NELL1: variants seen among roughly 807,000 people sequenced by gnomAD.
The protein encoded by NELL1 is neural EGFL like 1, also known as protein kinase C-binding protein NELL1.
Under a neutral mutation model 107.4 loss-of-function variants are expected in NELL1, and 76 were observed. That is an observed-to-expected ratio of 0.71 (90% CI 0.59 to 0.86). The LOEUF is 0.86. NELL1 is among the 40% of genes least tolerant of loss of function. The pLI is 0.00. For missense variants in NELL1, 1,024 were observed against 1,005.5 expected (o/e 1.02, Z -0.25); for synonymous variants, 353 against 341.2 (o/e 1.03, Z -0.38).
chr11:21,469,809 G>A (rs1854127491), intron 15 of NELL1, among the ~76,000 whole-genome samples: 1 of 152,040 alleles, frequency 6.6e-6, no homozygotes, highest in East Asian at 1.9e-4. Flanking sequence ...GTGGGTTGTA[G>A]TATCTTGAAT....
chr11:21,523,364 T>C (rs892224576), intron 15 of NELL1, among the ~76,000 whole-genome samples: 5 of 152,156 alleles, frequency 3.3e-5, no homozygotes, highest in African/African-American at 1.2e-4. Flanking sequence ...TAAATATTGA[T>C]ATGGTTGGGT....
chr11:20,814,901 G>A (rs79877117), intron 3 of NELL1, among the ~76,000 whole-genome samples: 11,291 of 152,212 alleles, frequency 0.074, 563 homozygotes, highest in African/African-American at 0.13. Context: ...TGACTGAACT[G>A]ATTTACATTC....
chr11:20,834,554 T>C (rs1848494308), intron 3 of NELL1, among the ~76,000 whole-genome samples: 1 of 151,878 alleles, frequency 6.6e-6, no homozygotes, highest in Admixed American at 6.6e-5. Flanking sequence ...TACAAAAAAA[T>C]TAGCTGGGTG....
At chr11:21,146,716 G>T (rs1009727978) in intron 13 of NELL1, among the ~76,000 whole-genome samples, 4 of 152,150 alleles carry the variant, frequency 2.6e-5, no homozygotes, top group African/African-American at 9.7e-5. Flanking sequence ...AACAGAACGG[G>T]AAGAAAATGC....
At position 21,374,887 on chromosome 11, in the gene NELL1, C is replaced by CTGTGTGTGTGTG. The variant is rs10566953; in HGVS notation, c.1645+3969_1645+3980dup. On this transcript the variant is annotated intron_variant, in intron 15 of 19. Transcript: ENST00000357134. ...GCTGTGTGGAACTGACTGTGTGTGT[C>CTGTGTGTGTGTG]TGTGTGTGTGTGTGTGTGTGTGTGT... Among the ~76,000 whole-genome samples, 136 of 143,840 alleles carry CTGTGTGTGTGTG rather than the reference C, an allele frequency of 9.5e-4. 1 individual carries two copies. Among genetic ancestry groups the CTGTGTGTGTGTG allele is most frequent in the Non-Finnish European group, 1.6e-3 (106 of 65,696 alleles). The allele number at this position is 143,840 out of a possible 152,430, so 94.4% of individuals were successfully genotyped here.
intron 2 of NELL1, among the ~76,000 whole-genome samples, chr11:20,720,409 A>G (rs896571916): frequency 2.0e-5 from 3 of 151,982 alleles, no homozygotes; most frequent in African/African-American, 7.3e-5. Context: ...GGGTTTCACC[A>G]TGCTGGCCAG....
intron 12 of NELL1, among the ~76,000 whole-genome samples, chr11:21,018,673 G>A (rs982796382): frequency 6.6e-6 from 1 of 152,066 alleles, no homozygotes; most frequent in African/African-American, 2.4e-5. Flanking sequence ...CCATGTCAAC[G>A]TGAGGCCAGT....
At chr11:21,028,782 T>C (rs1244035429) in intron 12 of NELL1, among the ~76,000 whole-genome samples, 1 of 152,196 alleles carries the variant, frequency 6.6e-6, no homozygotes, top group Non-Finnish European at 1.5e-5. Context: ...TATTGAGGAA[T>C]TGTATGTCTC....
intron 14 of NELL1, among the ~76,000 whole-genome samples, chr11:21,326,467 T>A (rs1218596358): frequency 2.6e-5 from 4 of 152,052 alleles, no homozygotes; most frequent in Non-Finnish European, 5.9e-5. Flanking sequence ...CATTTTAAAT[T>A]TATGCATGTT....
At chr11:21,083,893 A>G (rs1193785143) in intron 12 of NELL1, among the ~76,000 whole-genome samples, 15 of 152,234 alleles carry the variant, frequency 9.9e-5, no homozygotes, top group Non-Finnish European at 4.4e-5. Flanking sequence ...GTTAATTTAT[A>G]TAAGGCAAAA....
chr11:20,962,658 G>A lies in NELL1; in HGVS notation c.1300+2098G>A, dbSNP rs192394264. Among the ~76,000 whole-genome samples, 369 of 152,310 alleles carry A rather than the reference G, an allele frequency of 2.4e-3. 12 individuals carry two copies. Among genetic ancestry groups the A allele is most frequent in the Admixed American group, 0.024 (369 of 15,300 alleles). The stretch of plus-strand genomic sequence containing the variant: ...GAGGAGCCATCTGCAGTATCAACCT[G>A]ATCTTTCTCTATGAGGCCTTATTTT... On this transcript the variant is annotated intron_variant, in intron 12 of 19. Coordinates refer to ENST00000357134, the MANE Select transcript of NELL1 (RefSeq NM_006157.5).
chr11:21,198,672 G>A (rs1380942392), intron 13 of NELL1, among the ~76,000 whole-genome samples: 2 of 152,290 alleles, frequency 1.3e-5, no homozygotes, highest in East Asian at 1.9e-4. Flanking sequence ...ATGTTTCACT[G>A]GAGCAATGTT....
chr11:20,857,884 A>G (rs1461359636), intron 4 of NELL1, among the ~76,000 whole-genome samples: 1 of 152,188 alleles, frequency 6.6e-6, no homozygotes, highest in East Asian at 1.9e-4. Flanking sequence ...AGCACTGAAT[A>G]CACCAGTAGG....
intron 12 of NELL1, among the ~76,000 whole-genome samples, chr11:21,111,708 C>G (rs796639698): frequency 2.6e-5 from 4 of 152,140 alleles, no homozygotes; most frequent in African/African-American, 9.6e-5. Flanking sequence ...TATGCTTCCA[C>G]TCAGATTTCA....
At chr11:21,036,520 A>G (rs1275238063) in intron 12 of NELL1, among the ~76,000 whole-genome samples, 1 of 151,918 alleles carries the variant, frequency 6.6e-6, no homozygotes, top group African/African-American at 2.4e-5. Flanking sequence ...GGTGTTCTTC[A>G]AGTATTATCT....
chr11:21,020,399 T>C (rs149619464), intron 12 of NELL1, among the ~76,000 whole-genome samples: 1 of 152,270 alleles, frequency 6.6e-6, no homozygotes, highest in East Asian at 1.9e-4. Context: ...TTTGTTACTA[T>C]ATAGTCCAAC....
rs150507918 is a variant in NELL1, at chr11:20,768,467, A to T, written c.185-15213A>T. Among the ~76,000 whole-genome samples the T allele has an allele frequency of 2.1e-4, 32 of 152,376 alleles. No homozygotes were observed. The East Asian group carries it at 5.8e-3, about 28-fold the overall frequency. On this transcript the variant is annotated intron_variant, in intron 2 of 19. Coordinates refer to ENST00000357134, the MANE Select transcript of NELL1 (RefSeq NM_006157.5). Reference sequence around the variant, plus strand: ...GGGTTTTATTCAAATCATAATGGGCAGTGTGGAGAGCTGGATAATGCTGCC... The same window carrying T: ...GGGTTTTATTCAAATCATAATGGGCTGTGTGGAGAGCTGGATAATGCTGCC...
chr11:21,071,340 A>C (rs562767950), intron 12 of NELL1, among the ~76,000 whole-genome samples: 1 of 152,276 alleles, frequency 6.6e-6, no homozygotes, highest in Admixed American at 6.5e-5. Flanking sequence ...TACAAAAGAA[A>C]ATTAATGGAT....
At chr11:20,824,467 A>T (rs1857829355) in intron 3 of NELL1, among the ~76,000 whole-genome samples, 1 of 151,220 alleles carries the variant, frequency 6.6e-6, no homozygotes, top group Admixed American at 6.7e-5. Context: ...GAGGGCTCAG[A>T]AGAAGATAGG....
Sources: gnomAD v4.1 joint callset for allele counts (sites outside exome capture counted in the v4.1 genomes callset) on GRCh38, gnomAD v4.1.1 for gene constraint, MANE v1.5 for transcripts, NCBI Gene and HGNC (gene_info 2026-07-23, HGNC 2026-07-21) for gene names.